Variants in INO80 observed in about 807,000 individuals in gnomAD.
INO80 encodes the protein INO80 complex ATPase subunit.
In INO80, 20 loss-of-function variants were observed where a neutral mutation model predicts 203.4. The observed-to-expected ratio is 0.10, with a 90% CI of 0.07 to 0.14. INO80 has a LOEUF of 0.14. Among genes scored for constraint, INO80 ranks in the 10% least tolerant of loss-of-function variants. The pLI, the probability that INO80 is intolerant of heterozygous loss-of-function variation, is 1.00. For synonymous variants in INO80, 726 were observed against 685.2 expected, an observed-to-expected ratio of 1.06 and a Z score of -0.93; for missense variants, 1,419 against 1,914.4, an observed-to-expected ratio of 0.74 and a Z score of 4.83.
intron 24 of INO80, among the ~76,000 whole-genome samples, chr15:41,042,901 A>G (rs1307095851): frequency 6.6e-6 from 1 of 152,214 alleles, no homozygotes; most frequent in Non-Finnish European, 1.5e-5. Context: ...GTGTCTCCAC[A>G]CATATATAAG....
intron 27 of INO80, among the ~76,000 whole-genome samples, chr15:41,011,050 A>G (rs763810501): frequency 1.1e-4 from 16 of 152,196 alleles, no homozygotes; most frequent in Non-Finnish European, 1.9e-4. Context: ...AAAGGCAATC[A>G]TGGGCCCAAA....
intron 29 of INO80, among the ~76,000 whole-genome samples, chr15:40,995,148 G>T (rs922461085): frequency 6.6e-6 from 1 of 152,168 alleles, no homozygotes; most frequent in Non-Finnish European, 1.5e-5. Context: ...GAGCCACCGC[G>T]TTCAGCCTAG....
intron 29 of INO80, among the ~76,000 whole-genome samples, chr15:40,989,294 G>A (rs186468931): frequency 4.6e-5 from 7 of 152,282 alleles, no homozygotes; most frequent in Admixed American, 2.6e-4. Context: ...TGTTTAAAGG[G>A]TTCTCTGGAA....
Position 41,055,263 on chromosome 15 carries a change from T to C in INO80, c.2172A>G (p.Lys724=). The C allele has an allele frequency of 5.6e-6, 9 of 1,608,840 alleles. No homozygotes were observed. Among genetic ancestry groups the C allele is most frequent in the Non-Finnish European group, 7.7e-6 (9 of 1,175,554 alleles). ...SKDIESHAEN[K]SAIDENQLSR... The stretch of plus-strand genomic sequence containing the variant: ...AGTACTCACTCTCATCAATAGCAGA[T>C]TTGTTTTCGGCATGGCTCTCAATGT... Residue 724 remains lysine (K), a synonymous_variant, in exon 18 of 36, where the codon AAA becomes AAG. Transcript: ENST00000648947.
Position 41,095,920 on chromosome 15 carries a change from C to T in INO80, c.152G>A (p.Ser51Asn). 1.2e-6 allele frequency: 2 copies of T among 1,613,536 alleles called. No homozygotes were observed. The highest frequency in any genetic ancestry group is 1.7e-6 in the Non-Finnish European group (2 of 1,179,544). ...ATTACTGTCATCCAGTCCATCTTCA[C>T]TGTCATCACTATAAATTGAAGAATG... is the stretch of plus-strand genomic sequence containing the variant. The part of the protein sequence containing the change: ...IFNRNISSDD[S>N]EDGLDDSNPL... The change falls in exon 3 of 36, where the codon AGT becomes AAT. Residue 51 changes from serine (S) to asparagine (N), a missense_variant. This residue lies in a region of INO80 where 323 missense variants were observed against 325.4 expected (regional missense o/e 0.99). Coordinates refer to ENST00000648947, the MANE Select transcript of INO80 (RefSeq NM_017553.3).
At chr15:41,007,202 T>A (rs1159951276) in intron 27 of INO80, among the ~76,000 whole-genome samples, 8 of 122,300 alleles carry the variant, frequency 6.5e-5, no homozygotes, top group Non-Finnish European at 8.2e-5. Context: ...TTTTTTTTTT[T>A]AGACACTGTC....
intron 14 of INO80, among the ~76,000 whole-genome samples, chr15:41,066,683 A>G (rs1412550239): frequency 6.6e-6 from 1 of 151,848 alleles, no homozygotes; most frequent in African/African-American, 2.4e-5. Flanking sequence ...AAAAAAAATT[A>G]GCAGGGTGTG....
At position 40,979,996 on chromosome 15, in the gene INO80, C is replaced by G; in HGVS notation, c.*227G>C. On this transcript the variant is annotated 3_prime_UTR_variant, in exon 36 of 36. Coordinates refer to ENST00000648947, the MANE Select transcript of INO80 (RefSeq NM_017553.3). ...ACAGTTCACTTGAGATGCAGTGGGG[C>G]TGATCCATGCCCTGTGGCCTTCCTC... The G allele has an allele frequency of 1.7e-6, 1 of 572,256 alleles. No homozygotes were observed. Among genetic ancestry groups the G allele is most frequent in the East Asian group, 3.0e-5 (1 of 33,648 alleles). 35.4% of individuals were successfully genotyped at this position (572,256 alleles called of 1,614,324 possible). A position where few individuals can be genotyped will look rare whatever the true frequency, so the allele number is the denominator to read the frequency against.
chr15:40,997,613 G>A lies in INO80; in HGVS notation c.3498-12C>T. On this transcript the variant is annotated splice_polypyrimidine_tract_variant and intron_variant, in intron 28 of 35. Transcript: ENST00000648947. ...CAAAGATGTCATTCCTGCAGAAAAG[G>A]GAGAGATATGTTAAAGGAAAAACTG... 6.3e-7 allele frequency: 1 copy of A among 1,594,286 alleles called. No homozygotes were observed. The highest frequency in any genetic ancestry group is 8.6e-7 in the Non-Finnish European group (1 of 1,162,246).
chr15:40,992,525 T>C (rs1214302115), intron 29 of INO80, among the ~76,000 whole-genome samples: 1 of 152,234 alleles, frequency 6.6e-6, no homozygotes, highest in Non-Finnish European at 1.5e-5. Context: ...TTAGGTTGAT[T>C]AATCTCTTCC....
chr15:41,043,043 T>C (rs548279717), intron 24 of INO80, among the ~76,000 whole-genome samples: 5 of 152,176 alleles, frequency 3.3e-5, no homozygotes, highest in Admixed American at 6.5e-5. Context: ...CAGTTTCCCA[T>C]AAAGCATACT....
In INO80 at chr15:41,033,978, C is replaced by T. The variant is rs191958201; in HGVS notation, c.2908-6242G>A. On this transcript the variant is annotated intron_variant, in intron 24 of 35. Transcript: ENST00000648947. ...TCGGGAGGCTGAGGCAGGAGAATGG[C>T]GTGAACCTGGGAGGCAGAGCTTGCA... 4.7e-3 allele frequency among the ~76,000 whole-genome samples: 721 copies of T among 152,142 alleles called. 3 individuals carry two copies. Among genetic ancestry groups the T allele is most frequent in the Middle Eastern group, 0.01 (3 of 294 alleles).
Position 41,087,647 on chromosome 15 carries a change from G to A in INO80, c.573C>T (p.Leu191=), listed in dbSNP as rs2045581476. The A allele has an allele frequency of 6.2e-7, 1 of 1,613,882 alleles. No individual in the cohort carries two copies. The highest frequency in any genetic ancestry group is 1.3e-5 in the African/African-American group (1 of 75,016). ...QQYQYYSAGL[L]STYDPFYEQQ... The stretch of plus-strand genomic sequence containing the variant: ...GCTCATAGAAAGGGTCATATGTGGA[G>A]AGCAGGCCTGCACTGTAGTACTGAT... The change falls in exon 6 of 36, where the codon CTC becomes CTT. Residue 191 remains leucine, a synonymous_variant. Transcript: ENST00000648947.
intron 29 of INO80, among the ~76,000 whole-genome samples, chr15:40,988,704 T>A (rs10438297): frequency 0.11 from 16,513 of 151,734 alleles, 2,602 homozygotes; most frequent in African/African-American, 0.35. Context: ...ACATAGTGAA[T>A]CCCCATCTCT....
rs1288941194 is a variant in INO80, at chr15:40,979,881, A to G, written c.*342T>C. The G allele has an allele frequency of 1.3e-5, 4 of 319,892 alleles. No individual in the cohort carries two copies. The highest frequency in any genetic ancestry group is 8.5e-5 in the African/African-American group (4 of 47,192). The allele number at this position is 319,892 out of a possible 1,614,324, so 19.8% of individuals were successfully genotyped here. On this transcript the variant is annotated 3_prime_UTR_variant, in exon 36 of 36. Transcript: ENST00000648947. ...TTTGCAAGGGACGTGTCAGAGCCGA[A>G]GAGTGGAATCGGGATGGAAACAGTA...
intron 23 of INO80, among the ~76,000 whole-genome samples, chr15:41,046,148 GGTGTGTGTGTGTCTGT>G (rs1263398698): frequency 9.1e-5 from 11 of 121,330 alleles, no homozygotes; most frequent in African/African-American, 2.6e-4. Flanking sequence ...ATATTTAAGG[GGTGTGTGTGTGTCTGT>G]GTGTGTGTGT....
intron 1 of INO80, among the ~76,000 whole-genome samples, chr15:41,098,870 C>G (rs1022030087): frequency 6.6e-6 from 1 of 151,946 alleles, no homozygotes; most frequent in African/African-American, 2.4e-5. Context: ...AGATGTATGA[C>G]TAGCTAATAG....
rs867170701 is a variant in INO80, at chr15:41,067,278, T to C, written c.1782+2292A>G. Among the ~76,000 whole-genome samples, 13 of 152,172 alleles carry C rather than the reference T, an allele frequency of 8.5e-5. 2 individuals are homozygous for C. The highest frequency in any genetic ancestry group is 3.4e-3 in the Middle Eastern group (1 of 294). ...TTTTAGTAGAGACAGGGTTTCACCA[T>C]CTTGGCCAGGCTGGTCTTAAACTCC... On this transcript the variant is annotated intron_variant, in intron 14 of 35. Coordinates refer to ENST00000648947, the MANE Select transcript of INO80 (RefSeq NM_017553.3).
chr15:41,007,182 C>CTTTTTT (rs11330780), intron 27 of INO80, among the ~76,000 whole-genome samples: 1 of 119,312 alleles, frequency 8.4e-6, no homozygotes, highest in African/African-American at 3.3e-5. Flanking sequence ...TTTTTTTTTT[C>CTTTTTT]TTTTTTTTTT....
Sources: gnomAD v4.1 joint callset for allele counts (sites outside exome capture counted in the v4.1 genomes callset) on GRCh38, gnomAD v4.1.1 for gene constraint, gnomAD v4.1.1 regional missense constraint, MANE v1.5 for transcripts, NCBI Gene and HGNC (gene_info 2026-07-23, HGNC 2026-07-21) for gene names.